HHAT: variants seen among roughly 807,000 people sequenced by gnomAD.
HHAT encodes the protein protein-cysteine N-palmitoyltransferase HHAT.
In HHAT, 47 loss-of-function variants were observed where a neutral mutation model predicts 70.8. That is an observed-to-expected ratio of 0.66 (90% confidence interval 0.53 to 0.85). HHAT has a LOEUF of 0.85. Among genes scored for constraint, HHAT ranks in the 40% least tolerant of loss-of-function variants. HHAT has a pLI of 0.00. For missense variants in HHAT, 609 were observed against 604.8 expected (o/e 1.01, Z -0.07); for synonymous variants, 228 against 247.6 (o/e 0.92, Z 0.74).
At chr1:210,643,397 T>C (rs1573955174) in intron 11 of HHAT, among the ~76,000 whole-genome samples, 1 of 152,250 alleles carries the variant, frequency 6.6e-6, no homozygotes, top group African/African-American at 2.4e-5. Flanking sequence ...CATCCCTTGA[T>C]TTATTTAGGC....
At chr1:210,377,613 A>G (rs1479878812) in intron 3 of HHAT, among the ~76,000 whole-genome samples, 2 of 152,340 alleles carry the variant, frequency 1.3e-5, no homozygotes, top group South Asian at 4.1e-4. Flanking sequence ...TTGTGACCAG[A>G]GGATGTTACT....
rs1212806954 is a variant in HHAT, at chr1:210,549,433, G to T, written c.1043+36245G>T. Among the ~76,000 whole-genome samples, 3 of 148,520 alleles carry T rather than the reference G, an allele frequency of 2.0e-5. No individual in the cohort carries two copies. The Admixed American group carries it at 2.1e-4, about 10-fold the overall frequency. On this transcript the variant is annotated intron_variant, in intron 9 of 11. Transcript: ENST00000261458. Reference sequence around the variant, plus strand: ...AGTCCATGGTTCTCTGAAGTCTAGGGTAAGCTGGCAGGACTTCCTGAATTC... The same window carrying T: ...AGTCCATGGTTCTCTGAAGTCTAGGTTAAGCTGGCAGGACTTCCTGAATTC...
Position 210,420,488 on chromosome 1 carries a change from A to G in HHAT, c.856+2163A>G, listed in dbSNP as rs548753168. On this transcript the variant is annotated intron_variant, in intron 7 of 11. Transcript: ENST00000261458. ...AGCTCATGTGTAAGGGTTTCCCTGT[A>G]GGGCCATAACTTTCAAACTCTTTGG... is the stretch of plus-strand genomic sequence containing the variant. Among the ~76,000 whole-genome samples, 5 of 152,304 alleles carry G rather than the reference A, an allele frequency of 3.3e-5. No individual in the cohort carries two copies. In the East Asian group the frequency reaches 9.6e-4, roughly 29 times the overall value.
chr1:210,496,229 G>A (rs1435720829), intron 8 of HHAT, among the ~76,000 whole-genome samples: 1 of 152,064 alleles, frequency 6.6e-6, no homozygotes, highest in Admixed American at 6.5e-5. Context: ...GCCTCGCTGG[G>A]CTGATCCTCT....
chr1:210,357,075 AT>A (rs1388480614), intron 2 of HHAT, among the ~76,000 whole-genome samples: 1 of 152,196 alleles, frequency 6.6e-6, no homozygotes, highest in African/African-American at 2.4e-5. Flanking sequence ...TTCACATTAT[AT>A]TTGGCTGTGG....
intron 10 of HHAT, among the ~76,000 whole-genome samples, chr1:210,600,758 G>A (rs1664084607): frequency 6.6e-6 from 1 of 152,092 alleles, no homozygotes; most frequent in African/African-American, 2.4e-5. Flanking sequence ...ACATTTTGAA[G>A]TGACACCACT....
intron 7 of HHAT, among the ~76,000 whole-genome samples, chr1:210,427,945 T>A (rs2093117240): frequency 6.6e-6 from 1 of 152,134 alleles, no homozygotes; most frequent in Admixed American, 6.5e-5. Context: ...TGAAAGTCTC[T>A]AAGAACTTGT....
intron 8 of HHAT, among the ~76,000 whole-genome samples, chr1:210,512,138 T>C (rs867338690): frequency 6.6e-6 from 1 of 152,144 alleles, no homozygotes. Context: ...ATGCCTGGTG[T>C]GAGCCTCAAG....
intron 6 of HHAT, among the ~76,000 whole-genome samples, chr1:210,416,261 A>G (rs1411229264): frequency 6.6e-6 from 1 of 152,222 alleles, no homozygotes; most frequent in African/African-American, 2.4e-5. Flanking sequence ...GAGAGAAGCT[A>G]AGGAGGTACC....
At position 210,612,238 on chromosome 1, in the gene HHAT, C is replaced by G. The variant is rs191779077; in HGVS notation, c.1246-11288C>G. On this transcript the variant is annotated intron_variant, in intron 10 of 11. Coordinates refer to ENST00000261458, the MANE Select transcript of HHAT (RefSeq NM_018194.6). ...ACAATTAAGGGGTATTAAAAACATT[C>G]GTATTGTTTTACAACCATCACCACC... 2.0e-5 allele frequency among the ~76,000 whole-genome samples: 3 copies of G among 152,230 alleles called. No individual in the cohort carries two copies. In the East Asian group the frequency reaches 5.8e-4, roughly 29 times the overall value.
At chr1:210,528,145 C>G (rs1454063480) in intron 9 of HHAT, among the ~76,000 whole-genome samples, 1 of 152,142 alleles carries the variant, frequency 6.6e-6, no homozygotes, top group Non-Finnish European at 1.5e-5. Flanking sequence ...CTAAGTATAA[C>G]AACCAGTAAT....
chr1:210,418,436 CTCTTTATTATTA>C, intron 7 of HHAT, 111 bp downstream of exon 7: 1 of 925,922 alleles, frequency 1.1e-6, no homozygotes, highest in South Asian at 1.9e-5. Context: ...ATAGCAAACC[CTCTTTATTATTA>C]TTTTTTAACC....
chr1:210,642,726 C>T (rs1673205595), intron 11 of HHAT, among the ~76,000 whole-genome samples: 1 of 152,082 alleles, frequency 6.6e-6, no homozygotes, highest in Non-Finnish European at 1.5e-5. Context: ...GATTTATAGG[C>T]ATATATTCTG....
chr1:210,556,374 C>A (rs544074539), intron 9 of HHAT, among the ~76,000 whole-genome samples: 1 of 152,318 alleles, frequency 6.6e-6, no homozygotes, highest in African/African-American at 2.4e-5. Flanking sequence ...TTTATCACTG[C>A]GTCCTCTAGC....
At chr1:210,357,329 C>T (rs2087746619) in intron 2 of HHAT, among the ~76,000 whole-genome samples, 1 of 152,182 alleles carries the variant, frequency 6.6e-6, no homozygotes, top group African/African-American at 2.4e-5. Context: ...TCCCCTGAAG[C>T]AGGTCATAAA....
At chr1:210,553,544 G>A (rs1304836963) in intron 9 of HHAT, among the ~76,000 whole-genome samples, 1 of 152,234 alleles carries the variant, frequency 6.6e-6, no homozygotes, top group African/African-American at 2.4e-5. Context: ...CGGAGTTACA[G>A]TTCACCTAAC....
intron 7 of HHAT, among the ~76,000 whole-genome samples, chr1:210,461,983 AAATC>A (rs1455944293): frequency 6.6e-6 from 1 of 152,228 alleles, no homozygotes; most frequent in Non-Finnish European, 1.5e-5. Context: ...CGTCTATGCA[AAATC>A]AATCTTTTCC....
rs74156131 is a variant in HHAT at position 210,333,057 on chromosome 1, A to G, written c.-44+3953A>G. 2.4e-3 allele frequency among the ~76,000 whole-genome samples: 363 copies of G among 152,314 alleles called. 1 individual carries two copies. The highest frequency in any genetic ancestry group is 8.4e-3 in the African/African-American group (349 of 41,560). On this transcript the variant is annotated intron_variant, in intron 1 of 11. Transcript: ENST00000261458. ...ATGGGCGGGCCATGAGTGGACTAAA[A>G]TAAGTGTCGGATTCTGACTGAAAGC... is the stretch of plus-strand genomic sequence containing the variant.
chr1:210,612,682 A>G (rs1012098374), intron 10 of HHAT, among the ~76,000 whole-genome samples: 2 of 152,168 alleles, frequency 1.3e-5, no homozygotes, highest in African/African-American at 2.4e-5. Flanking sequence ...TTGCTGGATC[A>G]TATGGCAATT....
Sources: gnomAD v4.1 joint callset for allele counts (sites outside exome capture counted in the v4.1 genomes callset) on GRCh38, gnomAD v4.1.1 for gene constraint, MANE v1.5 for transcripts, NCBI Gene and HGNC (gene_info 2026-07-23, HGNC 2026-07-21) for gene names.